Variants in TANGO6 observed in about 807,000 individuals in gnomAD.
TANGO6 encodes the protein transport and golgi organization 6 homolog.
TANGO6 carries 90 observed loss-of-function variants against 114.2 expected under a neutral mutation model. The ratio of observed to expected loss-of-function variants is 0.79; its 90% confidence interval spans 0.66 to 0.94. TANGO6 has a LOEUF of 0.94. Among genes scored for constraint, TANGO6 ranks in the 40% least tolerant of loss-of-function variants. TANGO6 has a pLI of 0.00. For missense variants in TANGO6, 1,274 were observed against 1,315.3 expected, an observed-to-expected ratio of 0.97 and a Z score of 0.49; for synonymous variants, 477 against 509.8, an observed-to-expected ratio of 0.94 and a Z score of 0.87.
intron 7 of TANGO6, chr16:68,900,175 G>T: frequency 2.6e-6 from 1 of 384,474 alleles, no homozygotes; most frequent in East Asian, 3.9e-5. Context: ...CAGAAAGCGG[G>T]GTAGTTGACC....
chr16:68,986,911 A>C (rs1016043218), intron 15 of TANGO6, among the ~76,000 whole-genome samples: 1 of 152,126 alleles, frequency 6.6e-6, no homozygotes, highest in Non-Finnish European at 1.5e-5. Flanking sequence ...TAATCTGTCT[A>C]GAGTGGAGAA....
At chr16:69,054,960 A>AAAAAAT (rs1960011131) in intron 17 of TANGO6, among the ~76,000 whole-genome samples, 1 of 151,656 alleles carries the variant, frequency 6.6e-6, no homozygotes, top group African/African-American at 2.4e-5. Context: ...AAAAAAAAAA[A>AAAAAAT]AAAACTTCTG....
intron 14 of TANGO6, among the ~76,000 whole-genome samples, chr16:68,959,406 G>A (rs981850654): frequency 6.6e-6 from 1 of 152,036 alleles, no homozygotes; most frequent in East Asian, 1.9e-4. Flanking sequence ...GACCAACATG[G>A]TGAAACCCTG....
At chr16:68,859,167 G>A (rs565362606) in intron 1 of TANGO6, among the ~76,000 whole-genome samples, 60 of 152,086 alleles carry the variant, frequency 3.9e-4, no homozygotes, top group African/African-American at 1.4e-3. Context: ...CTGTTTTTTT[G>A]TTGTTATTGT....
chr16:68,867,412 C>G (rs890792918), intron 4 of TANGO6, 192 bp downstream of exon 4: 22 of 621,920 alleles, frequency 3.5e-5, no homozygotes, highest in Middle Eastern at 4.5e-4. Context: ...TTCTCTTGCT[C>G]TTTTCCTAAA....
intron 1 of TANGO6, among the ~76,000 whole-genome samples, chr16:68,854,842 T>C (rs1372319360): frequency 6.6e-6 from 1 of 152,102 alleles, no homozygotes; most frequent in Non-Finnish European, 1.5e-5. Context: ...TATAGTAAGT[T>C]GGGTAGTATA....
intron 12 of TANGO6, among the ~76,000 whole-genome samples, chr16:68,924,669 C>T (rs1284334062): frequency 6.6e-6 from 1 of 151,422 alleles, no homozygotes. Context: ...GGGCACCTGT[C>T]ATCCCAGCTA....
In TANGO6 at chr16:68,888,029, G is replaced by A. The variant is rs560753234; in HGVS notation, c.1377+7399G>A. On this transcript the variant is annotated intron_variant, in intron 7 of 17. Transcript: ENST00000261778. The stretch of plus-strand genomic sequence containing the variant: ...TAGAGCAGGTGGTTCTGATGGCTCT[G>A]GGGGGCCAGGAGGAAAGTTCTCCAC... Among the ~76,000 whole-genome samples the A allele has an allele frequency of 9.7e-4, 147 of 152,282 alleles. No individual in the cohort carries two copies. In the Middle Eastern group the frequency reaches 0.014, roughly 14 times the overall value.
At chr16:68,962,115 C>G (rs576369404) in intron 14 of TANGO6, among the ~76,000 whole-genome samples, 1 of 152,304 alleles carries the variant, frequency 6.6e-6, no homozygotes, top group African/African-American at 2.4e-5. Context: ...ACAAAGACAG[C>G]CCAGCTATTC....
intron 15 of TANGO6, among the ~76,000 whole-genome samples, chr16:69,018,540 A>G (rs187444172): frequency 1.7e-4 from 26 of 152,080 alleles, no homozygotes; most frequent in African/African-American, 6.3e-4. Context: ...TCCCAGCTCT[A>G]TTTACTCTTC....
At position 69,030,922 on chromosome 16, in the gene TANGO6, G is replaced by A. The variant is rs147660784; in HGVS notation, c.2994+7943G>A. Among the ~76,000 whole-genome samples the A allele has an allele frequency of 9.5e-3, 1,439 of 151,904 alleles. 24 individuals carry two copies. The highest frequency in any genetic ancestry group is 0.033 in the African/African-American group (1,363 of 41,502). On this transcript the variant is annotated intron_variant, in intron 16 of 17. Transcript: ENST00000261778. ...AATACAAAAATTAGCTGGGCATGGT[G>A]GTGCACGCCTGTAGTCCCAGCTACT...
chr16:68,900,589 T>C (rs773463692), intron 8 of TANGO6, 43 bp downstream of exon 8: 59 of 1,435,778 alleles, frequency 4.1e-5, no homozygotes, highest in Non-Finnish European at 5.2e-5. Context: ...AATTGTGACG[T>C]CTTTTTTGCA....
chr16:68,978,283 C>T (rs1288221020), intron 15 of TANGO6, among the ~76,000 whole-genome samples: 1 of 152,142 alleles, frequency 6.6e-6, no homozygotes, highest in African/African-American at 2.4e-5. Context: ...AAATCATTTC[C>T]TGGGGTGAAA....
At chr16:68,895,884 T>A (rs1245653460) in intron 7 of TANGO6, among the ~76,000 whole-genome samples, 2 of 152,300 alleles carry the variant, frequency 1.3e-5, no homozygotes, top group Admixed American at 6.5e-5. Context: ...CATAGTTATG[T>A]GAAACTGATT....
intron 12 of TANGO6, among the ~76,000 whole-genome samples, chr16:68,919,744 A>G (rs1963064034): frequency 6.6e-6 from 1 of 152,128 alleles, no homozygotes; most frequent in East Asian, 1.9e-4. Context: ...TATTTTTTTA[A>G]ACACTACATA....
At chr16:68,990,688 T>C (rs1963939107) in intron 15 of TANGO6, among the ~76,000 whole-genome samples, 1 of 152,222 alleles carries the variant, frequency 6.6e-6, no homozygotes, top group African/African-American at 2.4e-5. Flanking sequence ...ATTATAGGCA[T>C]GAGCCACCAT....
At chr16:69,036,650 A>G (rs1166365339) in intron 16 of TANGO6, among the ~76,000 whole-genome samples, 1 of 152,116 alleles carries the variant, frequency 6.6e-6, no homozygotes, top group Non-Finnish European at 1.5e-5. Context: ...CATACCTTCA[A>G]GGTGGCACAG....
chr16:68,939,990 G>T (rs532990582), intron 14 of TANGO6, among the ~76,000 whole-genome samples: 12 of 151,666 alleles, frequency 7.9e-5, no homozygotes, highest in African/African-American at 2.9e-4. Flanking sequence ...TTCTGATTTG[G>T]TCTGACTACA....
At chr16:69,013,489 C>A (rs1180866110) in intron 15 of TANGO6, among the ~76,000 whole-genome samples, 1 of 151,794 alleles carries the variant, frequency 6.6e-6, no homozygotes, top group Non-Finnish European at 1.5e-5. Flanking sequence ...TGGTGGCATG[C>A]GCCTGTGGTC....
Sources: gnomAD v4.1 joint callset for allele counts (sites outside exome capture counted in the v4.1 genomes callset) on GRCh38, gnomAD v4.1.1 for gene constraint, MANE v1.5 for transcripts, NCBI Gene and HGNC (gene_info 2026-07-23, HGNC 2026-07-21) for gene names.